The following CHTF18 variants were observed in gnomAD, a reference collection of about 807,000 sequenced individuals.
The protein encoded by CHTF18 is chromosome transmission fidelity factor 18, also known as chromosome transmission fidelity protein 18 homolog.
In CHTF18, 151 loss-of-function variants were observed where a neutral mutation model predicts 113.4. The ratio of observed to expected loss-of-function variants is 1.33; its 90% confidence interval spans 1.17 to 1.52. CHTF18 has a LOEUF of 1.52. Among genes scored for constraint, CHTF18 ranks in the 40% most tolerant of loss-of-function variants. CHTF18 has a pLI of 0.00. For synonymous variants in CHTF18, 916 were observed against 598.8 expected, an observed-to-expected ratio of 1.53 and a Z score of -7.74; for missense variants, 1,982 against 1,381.6, an observed-to-expected ratio of 1.43 and a Z score of -6.89.
rs1334118597 is a variant in CHTF18, at chr16:795,824, A to G, written c.2315A>G (p.Lys772Arg). 21 of 1,608,912 alleles carry G rather than the reference A, an allele frequency of 1.3e-5. No homozygotes were observed. The highest frequency in any genetic ancestry group is 1.7e-5 in the Non-Finnish European group (20 of 1,178,452). Reference sequence around the variant, plus strand: ...CTGCTCCTGGACATTCTTGCACCCAAGCTCCGCCCCGTGAGTGCCGTCCCC... The same window carrying G: ...CTGCTCCTGGACATTCTTGCACCCAGGCTCCGCCCCGTGAGTGCCGTCCCC... ...LCLLLDILAP[K>R]LRPVSTQLYS... is the part of the protein sequence containing the mutation. Residue 772 changes from lysine (K) to arginine (R), a missense_variant, in exon 17 of 22, where the codon AAG (lysine) becomes AGG (arginine). Coordinates refer to ENST00000262315, the MANE Select transcript of CHTF18 (RefSeq NM_022092.3).
chr16:790,986 G>T, intron 7 of CHTF18, 175 bp from the exon 8 acceptor site: 7 of 1,451,104 alleles, frequency 4.8e-6, no homozygotes, highest in South Asian at 1.4e-5. Context: ...CCAGAGCCGT[G>T]GGGGTGGAGC....
chr16:794,596 G>A (rs895511697), intron 15 of CHTF18: 8 of 264,358 alleles, frequency 3.0e-5, no homozygotes, highest in Middle Eastern at 1.2e-3. Flanking sequence ...CCCTGCCCGC[G>A]GGAGTCCCCG....
At chr16:794,363 A>G (rs1375336823) in intron 15 of CHTF18, among the ~76,000 whole-genome samples, 162 bp downstream of exon 15, 1 of 151,270 alleles carries the variant, frequency 6.6e-6, no homozygotes, top group Admixed American at 6.6e-5. Context: ...TGAGGTGGGG[A>G]GCAGGAGCCA....
intron 8 of CHTF18, chr16:791,613 G>C: frequency 2.1e-6 from 3 of 1,430,088 alleles, no homozygotes; most frequent in Non-Finnish European, 2.7e-6. Flanking sequence ...GTGGTTTCTG[G>C]GGGCCAGTCA....
At position 789,599 on chromosome 16, in the gene CHTF18, C is replaced by G. The variant is rs540916853; in HGVS notation, c.490C>G (p.Arg164Gly). ...TCTCACACGGGCCTCACCAGCTGCC[C>G]GCAATCCCGTCCTGAGGCGGCCCCC... ...VGLTRASPAA[R>G]NPVLRRPPIL... Residue 164 changes from arginine to glycine, a missense_variant, in exon 4 of 22, where the codon CGC becomes GGC. By Grantham distance (125) the Arg-to-Gly change is moderately radical (BLOSUM62 -2). Transcript: ENST00000262315. The G allele has an allele frequency of 1.9e-6, 3 of 1,609,542 alleles. No homozygotes were observed. The highest frequency in any genetic ancestry group is 1.3e-5 in the African/African-American group (1 of 75,068).
At chr16:790,740 T>G (rs2042175148) in intron 7 of CHTF18, 74 bp downstream of exon 7, 9 of 1,456,950 alleles carry the variant, frequency 6.2e-6, no homozygotes, top group South Asian at 2.9e-5. Flanking sequence ...GCCCAGTGAT[T>G]TTTGCACAGC....
At position 795,926 on chromosome 16, in the gene CHTF18, C is replaced by T. The variant is rs377116757; in HGVS notation, c.2326-21C>T. On this transcript the variant is annotated intron_variant, in intron 17 of 21. Coordinates refer to ENST00000262315, the MANE Select transcript of CHTF18 (RefSeq NM_022092.3). ...TTGTACAGCCTGCTCAGCTCCCTGT[C>T]TGCTGCCTCCCATCCCCTAGGTGAG... is the stretch of plus-strand genomic sequence containing the variant. The T allele has an allele frequency of 4.2e-5, 67 of 1,603,380 alleles. No individual in the cohort carries two copies. In the African/African-American group the frequency reaches 5.5e-4, roughly 13 times the overall value.
intron 14 of CHTF18, 179 bp from the exon 15 acceptor site, chr16:793,875 G>A: frequency 1.5e-6 from 1 of 678,604 alleles, no homozygotes; most frequent in South Asian, 1.8e-5. Flanking sequence ...GAATGTTTCA[G>A]GGGGTTGAGG....
At position 795,966 on chromosome 16, in the gene CHTF18, G is replaced by C. The variant is rs1295661056; in HGVS notation, c.2345G>C (p.Ser782Thr). ...KLRPVSTQLY[S>T]TREKQQLASL... Reference sequence around the variant, plus strand: ...CCCTAGGTGAGCACACAGCTGTACAGCACCCGTGAAAAGCAACAGCTGGCC... The same window carrying C: ...CCCTAGGTGAGCACACAGCTGTACACCACCCGTGAAAAGCAACAGCTGGCC... The change falls in exon 18 of 22, where the codon AGC becomes ACC. Residue 782 changes from serine to threonine, a missense_variant. Ser to Thr is a moderately conservative substitution (Grantham distance 58). Coordinates refer to ENST00000262315, the MANE Select transcript of CHTF18 (RefSeq NM_022092.3). 1 of 1,609,400 alleles carries C rather than the reference G, an allele frequency of 6.2e-7. No homozygotes were observed. The highest frequency in any genetic ancestry group is 2.2e-5 in the East Asian group (1 of 44,676).
At chr16:793,947 T>G in intron 14 of CHTF18, 107 bp from the exon 15 acceptor site, 1 of 1,300,012 alleles carries the variant, frequency 7.7e-7, no homozygotes, top group Non-Finnish European at 1.1e-6. Context: ...CTGAGAAGAA[T>G]GAAGTGGGTG....
In CHTF18 at chr16:797,036, C is replaced by G. The variant is rs769161758; in HGVS notation, c.2677C>G (p.Arg893Gly). 2 of 1,561,760 alleles carry G rather than the reference C, an allele frequency of 1.3e-6. No individual in the cohort carries two copies. The highest frequency in any genetic ancestry group is 2.7e-5 in the African/African-American group (2 of 73,274). The stretch of plus-strand genomic sequence containing the variant: ...GAAAGGGGTGCACCGACCTGCCCCA[C>G]GCAACCATGAGCAGCGGCTGGAGCA... ...GEKGVHRPAPRNHEQRLEHIM... is the reference protein window; with the variant it reads ...GEKGVHRPAPGNHEQRLEHIM... The change falls in exon 20 of 22, where the codon CGC becomes GGC. Residue 893 changes from arginine to glycine, a missense_variant. Arg to Gly is a moderately radical substitution (Grantham distance 125). Coordinates refer to ENST00000262315, the MANE Select transcript of CHTF18 (RefSeq NM_022092.3).
chr16:792,390 A>G, intron 10 of CHTF18, 43 bp downstream of exon 10: 2 of 1,561,166 alleles, frequency 1.3e-6, no homozygotes, highest in Non-Finnish European at 1.7e-6. Context: ...GCGGGCAGGC[A>G]GGCGGGCAGC....
At chr16:791,102 C>A (rs777929912) in intron 7 of CHTF18, 59 bp from the exon 8 acceptor site, 32 of 1,549,020 alleles carry the variant, frequency 2.1e-5, no homozygotes, top group Non-Finnish European at 2.5e-5. Context: ...GGCAGGTGGA[C>A]TGTCCGTGCC....
intron 20 of CHTF18, among the ~76,000 whole-genome samples, chr16:797,298 G>A (rs2042378701): frequency 6.6e-6 from 1 of 151,880 alleles, no homozygotes; most frequent in African/African-American, 2.4e-5. Context: ...GGTATCTTTA[G>A]GGGTGGGGCC....
chr16:797,238 G>A (rs1041391041), intron 20 of CHTF18, 146 bp downstream of exon 20: 5 of 999,128 alleles, frequency 5.0e-6, no homozygotes, highest in African/African-American at 3.3e-5. Flanking sequence ...ATGAGGCAGG[G>A]CCAGGGTACC....
chr16:798,032 A>G lies in CHTF18; in HGVS notation c.*57A>G. The G allele has an allele frequency of 6.4e-7, 1 of 1,564,624 alleles. No individual in the cohort carries two copies. The highest frequency in any genetic ancestry group is 8.7e-7 in the Non-Finnish European group (1 of 1,154,302). Reference sequence around the variant, plus strand: ...CTTCCCGCAGAGTGCAGAGACAGGAAGCTGGAGATGTCTTTATAAAGTCAC... The same window carrying G: ...CTTCCCGCAGAGTGCAGAGACAGGAGGCTGGAGATGTCTTTATAAAGTCAC... On this transcript the variant is annotated 3_prime_UTR_variant, in exon 22 of 22. Coordinates refer to ENST00000262315, the MANE Select transcript of CHTF18 (RefSeq NM_022092.3).
rs568608547 is a variant in CHTF18 at position 791,262 on chromosome 16, C to T, written c.996C>T (p.Ala332=). The T allele has an allele frequency of 4.3e-6, 7 of 1,610,580 alleles. No homozygotes were observed. The East Asian group carries it at 1.6e-4, about 36-fold the overall frequency. ...AGCCCAGGCCCAGTGTTGAGCCGGC[C>T]CGGGTCAGCAAGGAGGCCACAGCCC... ...SRKPRPSVEP[A]RVSKEATAPG... Residue 332 remains alanine, a synonymous_variant, in exon 8 of 22, where the codon GCC becomes GCT. Coordinates refer to ENST00000262315, the MANE Select transcript of CHTF18 (RefSeq NM_022092.3).
rs201215455 is a variant in CHTF18 at position 789,569 on chromosome 16, G to C, written c.460G>C (p.Val154Leu). 230 of 1,604,080 alleles carry C rather than the reference G, an allele frequency of 1.4e-4. No individual in the cohort carries two copies. Among genetic ancestry groups the C allele is most frequent in the Non-Finnish European group, 1.9e-4 (222 of 1,176,576 alleles). The change falls in exon 4 of 22, where the codon GTG (valine) becomes CTG (leucine). Residue 154 changes from valine (V) to leucine (L), a missense_variant. Physicochemically the swap from Val to Leu is conservative, Grantham distance 32. Coordinates refer to ENST00000262315, the MANE Select transcript of CHTF18 (RefSeq NM_022092.3). ...CAGAGTCTCAGAAGCTGCTGCCGAC[G>C]TGGGTCTCACACGGGCCTCACCAGC... ...GHGVSEAAAD[V>L]GLTRASPAAR... is the part of the protein sequence containing the mutation.
Position 794,201 on chromosome 16 carries a change from G to C in CHTF18, c.1950G>C (p.Gln650His). 6.2e-7 allele frequency: 1 copy of C among 1,610,022 alleles called. No individual in the cohort carries two copies. The highest frequency in any genetic ancestry group is 8.5e-7 in the Non-Finnish European group (1 of 1,177,822). The change falls in exon 15 of 22, where the codon CAG becomes CAC. Residue 650 changes from glutamine (Q) to histidine (H), a missense_variant and splice_region_variant. Transcript: ENST00000262315. ...CGGGCGAGCACGAGAAGGTGGTCCA[G>C]GTACCTGTCTTCCACCAAAATGCCT... Reference protein sequence around the residue: ...ASAGEHEKVVQGLFDNFLRLR... With the variant: ...ASAGEHEKVVHGLFDNFLRLR...
Sources: gnomAD v4.1 joint callset for allele counts (sites outside exome capture counted in the v4.1 genomes callset) on GRCh38, gnomAD v4.1.1 for gene constraint, MANE v1.5 for transcripts, NCBI Gene and HGNC (gene_info 2026-07-23, HGNC 2026-07-21) for gene names.